Variants in GATAD2B observed in about 807,000 individuals in gnomAD.
GATAD2B encodes the protein GATA zinc finger domain containing 2B.
Under a neutral mutation model 64.3 loss-of-function variants are expected in GATAD2B, and 8 were observed. The observed-to-expected ratio is 0.12, with a 90% CI of 0.07 to 0.22. The LOEUF (loss-of-function observed/expected upper bound fraction) is 0.22, where lower values mean the gene tolerates loss of function less well. Among genes scored for constraint, GATAD2B ranks in the 10% least tolerant of loss-of-function variants. GATAD2B has a pLI of 1.00. For missense variants in GATAD2B, 453 were observed against 752.0 expected (o/e 0.60, Z 4.65); for synonymous variants, 281 against 271.3 (o/e 1.04, Z -0.35).
At chr1:153,834,240 G>A (rs536863991) in intron 1 of GATAD2B, among the ~76,000 whole-genome samples, 2 of 151,434 alleles carry the variant, frequency 1.3e-5, no homozygotes, top group South Asian at 2.1e-4. Flanking sequence ...TCCTGACCTC[G>A]TGATCCGCCC....
chr1:153,873,658 T>C (rs1676738832), intron 1 of GATAD2B, among the ~76,000 whole-genome samples: 1 of 152,206 alleles, frequency 6.6e-6, no homozygotes, highest in Non-Finnish European at 1.5e-5. Flanking sequence ...ATAAATTTCT[T>C]GGGGCTGGTC....
chr1:153,863,379 C>G (rs1445525961), intron 1 of GATAD2B, among the ~76,000 whole-genome samples: 1 of 151,646 alleles, frequency 6.6e-6, no homozygotes, highest in African/African-American at 2.4e-5. Context: ...GCCTGTAATC[C>G]AAGCTAATTG....
intron 2 of GATAD2B, among the ~76,000 whole-genome samples, chr1:153,822,819 C>T (rs1674730346): frequency 1.3e-5 from 2 of 151,924 alleles, no homozygotes; most frequent in African/African-American, 4.8e-5. Flanking sequence ...TTTATTTTTT[C>T]TTTTGTTTTT....
chr1:153,831,894 T>C (rs1570941110), intron 1 of GATAD2B, among the ~76,000 whole-genome samples: 1 of 152,214 alleles, frequency 6.6e-6, no homozygotes, highest in African/African-American at 2.4e-5. Flanking sequence ...TGCATTTCAC[T>C]TTATTGTGCT....
intron 1 of GATAD2B, among the ~76,000 whole-genome samples, chr1:153,837,983 A>AT (rs970340025): frequency 7.2e-5 from 11 of 152,024 alleles, no homozygotes; most frequent in Non-Finnish European, 1.3e-4. Context: ...TTACTTATAT[A>AT]TTTTTTTTCT....
chr1:153,918,473 CAATTAT>C (rs1434853891), intron 1 of GATAD2B, among the ~76,000 whole-genome samples: 1 of 152,178 alleles, frequency 6.6e-6, no homozygotes, highest in African/African-American at 2.4e-5. Context: ...CAATCCTTCA[CAATTAT>C]AATGAGAATT....
chr1:153,821,640 C>G (rs1349008216), intron 2 of GATAD2B, among the ~76,000 whole-genome samples: 2 of 152,024 alleles, frequency 1.3e-5, no homozygotes, highest in Non-Finnish European at 2.9e-5. Flanking sequence ...GATCTCGGCT[C>G]ACTGGAACCT....
At chr1:153,853,575 GCCTTT>G (rs1469182507) in intron 1 of GATAD2B, among the ~76,000 whole-genome samples, 2 of 152,112 alleles carry the variant, frequency 1.3e-5, no homozygotes, top group Non-Finnish European at 2.9e-5. Context: ...TTTGTAGATT[GCCTTT>G]CCATTCTGCT....
At chr1:153,852,786 C>T (rs1047790457) in intron 1 of GATAD2B, 1 of 941,406 alleles carries the variant, frequency 1.1e-6, no homozygotes. Flanking sequence ...AACAACTTGG[C>T]TTCTGAACCA....
chr1:153,859,679 T>A lies in GATAD2B; in HGVS notation c.-1-31331A>T, dbSNP rs202162864. ...AGTGAGACTCCATCTCAAAAAAAAA[T>A]AATAAAAAAAAAAAAAGACCATAGA... On this transcript the variant is annotated intron_variant, in intron 1 of 10. Coordinates refer to ENST00000368655, the MANE Select transcript of GATAD2B (RefSeq NM_020699.4). 3.3e-3 allele frequency among the ~76,000 whole-genome samples: 375 copies of A among 114,128 alleles called. 1 individual carries two copies. Among genetic ancestry groups the A allele is most frequent in the African/African-American group, 6.8e-3 (191 of 28,154 alleles). The allele number at this position is 114,128 out of a possible 152,430, so 74.9% of individuals were successfully genotyped here.
intron 1 of GATAD2B, among the ~76,000 whole-genome samples, chr1:153,906,015 C>T (rs1306964916): frequency 1.1e-4 from 16 of 148,614 alleles, no homozygotes; most frequent in African/African-American, 3.2e-4. Context: ...TGCACTGGGC[C>T]GAGATCACGC....
At chr1:153,835,259 T>G (rs912267048) in intron 1 of GATAD2B, among the ~76,000 whole-genome samples, 2 of 152,142 alleles carry the variant, frequency 1.3e-5, no homozygotes, top group African/African-American at 4.8e-5. Flanking sequence ...ATTTAGAATA[T>G]TCCATAAACT....
At chr1:153,878,268 C>T (rs1178655515) in intron 1 of GATAD2B, among the ~76,000 whole-genome samples, 1 of 151,514 alleles carries the variant, frequency 6.6e-6, no homozygotes, top group Non-Finnish European at 1.5e-5. Flanking sequence ...CCCAGCCTCC[C>T]GAGTAGCTAG....
At chr1:153,864,926 T>C (rs1312032277) in intron 1 of GATAD2B, among the ~76,000 whole-genome samples, 1 of 151,862 alleles carries the variant, frequency 6.6e-6, no homozygotes, top group Non-Finnish European at 1.5e-5. Flanking sequence ...AAAAATCAGC[T>C]GGGCACAGTG....
intron 1 of GATAD2B, among the ~76,000 whole-genome samples, chr1:153,913,930 A>AG (rs1364889159): frequency 7.4e-5 from 11 of 149,176 alleles, no homozygotes; most frequent in Non-Finnish European, 8.9e-5. Flanking sequence ...AAAAAAAAAA[A>AG]AAGAAGAAAA....
At chr1:153,839,146 GAAGA>G (rs1242437538) in intron 1 of GATAD2B, among the ~76,000 whole-genome samples, 3 of 137,810 alleles carry the variant, frequency 2.2e-5, no homozygotes, top group African/African-American at 8.3e-5. Context: ...AAAGTTTAAG[GAAGA>G]GAGTAGTTGT....
At chr1:153,901,296 A>G (rs1249792250) in intron 1 of GATAD2B, among the ~76,000 whole-genome samples, 1 of 152,108 alleles carries the variant, frequency 6.6e-6, no homozygotes, top group Non-Finnish European at 1.5e-5. Flanking sequence ...GGTTGCAGTG[A>G]GCCAAGATCA....
chr1:153,907,431 T>C (rs1256449432), intron 1 of GATAD2B, among the ~76,000 whole-genome samples: 1 of 152,222 alleles, frequency 6.6e-6, no homozygotes, highest in Non-Finnish European at 1.5e-5. Flanking sequence ...TCCATTTATA[T>C]GAAGTACCTG....
chr1:153,812,597 T>G (rs1447127111), intron 8 of GATAD2B, among the ~76,000 whole-genome samples: 2 of 152,144 alleles, frequency 1.3e-5, no homozygotes, highest in African/African-American at 4.8e-5. Flanking sequence ...CACTTTTTCT[T>G]TTCTCTTTTT....
Sources: allele counts gnomAD v4.1 joint callset (sites outside exome capture counted in the v4.1 genomes callset), GRCh38; gene constraint gnomAD v4.1.1; transcripts MANE v1.5; gene names NCBI Gene and HGNC (gene_info 2026-07-23, HGNC 2026-07-21).